LRP5: variants seen among roughly 807,000 people sequenced by gnomAD.
The protein encoded by LRP5 is LDL receptor related protein 5.
LRP5 carries 62 observed loss-of-function variants against 154.1 expected under a neutral mutation model. The observed-to-expected ratio is 0.40, with a 90% CI of 0.33 to 0.50. LRP5 has a LOEUF of 0.50. Among genes scored for constraint, LRP5 ranks in the 20% least tolerant of loss-of-function variants. The probability of loss-of-function intolerance (pLI) is 0.55; values close to 1 mark genes in which losing one functional copy is unlikely to be tolerated. For synonymous variants in LRP5, 966 were observed against 1,011.5 expected (o/e 0.96, Z 0.85); for missense variants, 1,915 against 2,336.7 (o/e 0.82, Z 3.72).
intron 6 of LRP5, among the ~76,000 whole-genome samples, chr11:68,389,086 ACT>A (rs2098644636): frequency 6.7e-6 from 1 of 149,180 alleles, no homozygotes. Flanking sequence ...ATTTACCAAC[ACT>A]GACATCTACT....
At chr11:68,377,385 A>G (rs914244115) in intron 5 of LRP5, among the ~76,000 whole-genome samples, 6 of 152,074 alleles carry the variant, frequency 3.9e-5, no homozygotes, top group Admixed American at 1.3e-4. Context: ...CTGGAGGGCC[A>G]TAGCCTCTCT....
In LRP5 at chr11:68,446,470, C is replaced by A; in HGVS notation, c.4523C>A (p.Pro1508His). The change falls in exon 22 of 23, where the codon CCC becomes CAC. Residue 1508 changes from proline (P) to histidine (H), a missense_variant. By Grantham distance (77) the Pro-to-His change is moderately conservative (BLOSUM62 -2). This residue lies in a region of LRP5 where 1,094 missense variants were observed against 1,210.1 expected (regional missense o/e 0.90). Transcript: ENST00000294304. ...LNPPPSPATD[P>H]SLYNMDMFYS... is the part of the protein sequence containing the mutation. ...CCGCCGCCCTCCCCGGCCACGGACC[C>A]CTCCCTGTACAACATGGACATGTTC... The A allele has an allele frequency of 1.9e-6, 3 of 1,614,172 alleles. No individual in the cohort carries two copies. The highest frequency in any genetic ancestry group is 2.5e-6 in the Non-Finnish European group (3 of 1,180,012).
In LRP5 at chr11:68,433,799, G is replaced by A. The variant is rs1370315674; in HGVS notation, c.3961G>A (p.Ala1321Thr). 1 of 1,612,626 alleles carries A rather than the reference G, an allele frequency of 6.2e-7. No homozygotes were observed. The highest frequency in any genetic ancestry group is 1.7e-4 in the Middle Eastern group (1 of 6,054). ...VDLRLRCDGEADCQDRSDEAD... is the reference protein window; with the variant it reads ...VDLRLRCDGETDCQDRSDEAD... ...CCTGCGCCTGCGCTGCGACGGCGAG[G>A]CAGACTGTCAGGACCGCTCAGACGA... Residue 1321 changes from alanine (A) to threonine (T), a missense_variant, in exon 18 of 23, where the codon GCA (alanine) becomes ACA (threonine). Physicochemically the swap from Ala to Thr is moderately conservative, Grantham distance 58. Transcript: ENST00000294304.
In LRP5 at chr11:68,312,659, G is replaced by T; in HGVS notation, c.-56G>T. On this transcript the variant is annotated 5_prime_UTR_variant, in exon 1 of 23. Coordinates refer to ENST00000294304, the MANE Select transcript of LRP5 (RefSeq NM_002335.4). The stretch of plus-strand genomic sequence containing the variant: ...GGGAGCCGCGCGAGGAGCCGCCGCC[G>T]CCGCGCCATGGAGCCCGAGTGAGCG... 1 of 835,560 alleles carries T rather than the reference G, an allele frequency of 1.2e-6. No individual in the cohort carries two copies. Among genetic ancestry groups the T allele is most frequent in the Non-Finnish European group, 1.4e-6 (1 of 692,440 alleles). 51.8% of individuals were successfully genotyped at this position (835,560 alleles called of 1,614,324 possible).
At chr11:68,362,736 CAAT>C (rs1217512695) in intron 3 of LRP5, among the ~76,000 whole-genome samples, 2 of 151,700 alleles carry the variant, frequency 1.3e-5, no homozygotes, top group Non-Finnish European at 2.9e-5. Context: ...AATTTTACTT[CAAT>C]AATTTTCTTA....
At chr11:68,435,978 G>A (rs1200579959) in intron 18 of LRP5, among the ~76,000 whole-genome samples, 4 of 152,114 alleles carry the variant, frequency 2.6e-5, no homozygotes, top group Admixed American at 6.5e-5. Flanking sequence ...CACCTACCTC[G>A]GCCTCCCAAA....
chr11:68,318,357 T>C (rs537107889), intron 1 of LRP5, among the ~76,000 whole-genome samples: 1 of 151,800 alleles, frequency 6.6e-6, no homozygotes, highest in East Asian at 1.9e-4. Context: ...CTTTTTTTTT[T>C]TTTTTTGAGT....
At chr11:68,346,626 G>C (rs2098613180) in intron 1 of LRP5, among the ~76,000 whole-genome samples, 1 of 152,156 alleles carries the variant, frequency 6.6e-6, no homozygotes. Context: ...GGGAGTGTGG[G>C]GTTGGCTGGG....
chr11:68,342,889 T>G (rs528240628), intron 1 of LRP5, among the ~76,000 whole-genome samples: 1 of 152,348 alleles, frequency 6.6e-6, no homozygotes, highest in South Asian at 2.1e-4. Flanking sequence ...GCTGGGGCTT[T>G]TGTACCCAGG....
chr11:68,383,515 G>A (rs1468260680), intron 5 of LRP5, among the ~76,000 whole-genome samples: 3 of 152,210 alleles, frequency 2.0e-5, no homozygotes, highest in South Asian at 2.1e-4. Flanking sequence ...CTCGGGCATC[G>A]CCAAGCCTGG....
chr11:68,324,323 G>A (rs2098598421), intron 1 of LRP5, among the ~76,000 whole-genome samples: 1 of 152,252 alleles, frequency 6.6e-6, no homozygotes, highest in Non-Finnish European at 1.5e-5. Flanking sequence ...GATAGTGAGA[G>A]CTGCGTCCAC....
In LRP5 at chr11:68,375,881, G is replaced by GAGGGTCGA. The variant is rs1322595483; in HGVS notation, c.1015+10181_1015+10188dup. On this transcript the variant is annotated intron_variant, in intron 5 of 22. Coordinates refer to ENST00000294304, the MANE Select transcript of LRP5 (RefSeq NM_002335.4). ...GGCCCTGTGTGCCTTGCTGACCTGG[G>GAGGGTCGA]AGGGTCGAAAGGACGGTGTCTGGGG... 2.6e-5 allele frequency among the ~76,000 whole-genome samples: 4 copies of GAGGGTCGA among 152,364 alleles called. No individual in the cohort carries two copies. The South Asian group carries it at 8.3e-4, about 32-fold the overall frequency.
At chr11:68,328,524 A>G (rs1250642900) in intron 1 of LRP5, among the ~76,000 whole-genome samples, 1 of 152,158 alleles carries the variant, frequency 6.6e-6, no homozygotes, top group Non-Finnish European at 1.5e-5. Flanking sequence ...TTCCCTCTGC[A>G]GTGGGCATGG....
At chr11:68,406,380 G>A in intron 8 of LRP5, 144 bp from the exon 9 acceptor site, 1 of 857,228 alleles carries the variant, frequency 1.2e-6, no homozygotes, top group Admixed American at 1.8e-5. Flanking sequence ...CAGCCATGAG[G>A]TCGGACCTGA....
At chr11:68,343,579 C>G (rs2098610392) in intron 1 of LRP5, among the ~76,000 whole-genome samples, 1 of 152,194 alleles carries the variant, frequency 6.6e-6, no homozygotes, top group Non-Finnish European at 1.5e-5. Flanking sequence ...GATCCCTGCT[C>G]TGGCGGCCAG....
At chr11:68,363,982 GCT>G in intron 4 of LRP5, 39 bp downstream of exon 4, 4 of 1,152,416 alleles carry the variant, frequency 3.5e-6, no homozygotes, top group Admixed American at 2.4e-5. Flanking sequence ...GGGTGCGGGG[GCT>G]GGGGGGAGCG....
intron 1 of LRP5, among the ~76,000 whole-genome samples, chr11:68,340,481 C>G (rs1289922249): frequency 1.3e-5 from 2 of 152,116 alleles, no homozygotes; most frequent in Non-Finnish European, 2.9e-5. Flanking sequence ...CGGCTGTTAC[C>G]TCTTGAGCGC....
Position 68,438,574 on chromosome 11 carries a change from C to T in LRP5, c.4240C>T (p.Arg1414Cys). The T allele has an allele frequency of 6.2e-7, 1 of 1,614,126 alleles. No individual in the cohort carries two copies. Among genetic ancestry groups the T allele is most frequent in the Non-Finnish European group, 8.5e-7 (1 of 1,180,016 alleles). ...TGTGTGCCAGCGCGTGGTGTGCCAG[C>T]GCTATGCGGGGGCCAACGGGCCCTT... ...YFVCQRVVCQ[R>C]YAGANGPFPH... The change falls in exon 20 of 23, where the codon CGC becomes TGC. Residue 1414 changes from arginine (R) to cysteine (C), a missense_variant. This residue lies in a region of LRP5 where 1,094 missense variants were observed against 1,210.1 expected (regional missense o/e 0.90). Coordinates refer to ENST00000294304, the MANE Select transcript of LRP5 (RefSeq NM_002335.4).
At chr11:68,427,027 C>T (rs1220354994) in intron 16 of LRP5, among the ~76,000 whole-genome samples, 1 of 150,050 alleles carries the variant, frequency 6.7e-6, no homozygotes, top group Non-Finnish European at 1.5e-5. Flanking sequence ...CAGTCCCTCC[C>T]ACACCTTGAG....
Sources: allele counts gnomAD v4.1 joint callset (sites outside exome capture counted in the v4.1 genomes callset), GRCh38; gene constraint gnomAD v4.1.1; regional missense constraint gnomAD v4.1.1; transcripts MANE v1.5; gene names NCBI Gene and HGNC (gene_info 2026-07-23, HGNC 2026-07-21).